Variants in COL8A1 observed in about 807,000 individuals in gnomAD.
COL8A1 encodes collagen alpha-1(VIII) chain.
In COL8A1, 21 loss-of-function variants were observed where a neutral mutation model predicts 42.7. That is an observed-to-expected ratio of 0.49 (90% CI 0.35 to 0.71). The LOEUF (loss-of-function observed/expected upper bound fraction) is 0.71. Ranked by LOEUF, COL8A1 falls within the 30% of genes least tolerant of loss-of-function variation. The probability of loss-of-function intolerance (pLI) is 0.01; values close to 1 mark genes in which losing one functional copy is unlikely to be tolerated. For synonymous variants in COL8A1, 367 were observed against 369.1 expected, an observed-to-expected ratio of 0.99 and a Z score of 0.06; for missense variants, 788 against 962.4, an observed-to-expected ratio of 0.82 and a Z score of 2.40.
intron 1 of COL8A1, among the ~76,000 whole-genome samples, chr3:99,659,888 A>T (rs903581047): frequency 5.3e-5 from 8 of 152,212 alleles, no homozygotes; most frequent in Non-Finnish European, 1.0e-4. Context: ...TGCACCTTAA[A>T]TTCCCTATGA....
intron 2 of COL8A1, among the ~76,000 whole-genome samples, chr3:99,773,862 T>TTTTTTA (rs1941640164): frequency 3.1e-5 from 2 of 64,400 alleles, no homozygotes; most frequent in African/African-American, 5.2e-5. Flanking sequence ...TTTTTTTTTT[T>TTTTTTA]GAGACCGAGT....
intron 2 of COL8A1, among the ~76,000 whole-genome samples, chr3:99,778,526 G>T (rs1219809359): frequency 6.6e-6 from 1 of 151,938 alleles, no homozygotes; most frequent in Non-Finnish European, 1.5e-5. Flanking sequence ...AATCTTACAA[G>T]TATCCTGAAA....
chr3:99,752,234 T>A (rs1386898022), intron 2 of COL8A1, among the ~76,000 whole-genome samples: 12 of 152,288 alleles, frequency 7.9e-5, no homozygotes, highest in Non-Finnish European at 4.4e-5. Context: ...ATGTTCATTG[T>A]CATCTGTAAA....
At chr3:99,692,732 G>A (rs949941528) in intron 1 of COL8A1, among the ~76,000 whole-genome samples, 1 of 152,228 alleles carries the variant, frequency 6.6e-6, no homozygotes, top group African/African-American at 2.4e-5. Flanking sequence ...CAGTAGTTCC[G>A]TAAGATCACC....
At chr3:99,682,292 C>T (rs1212739339) in intron 1 of COL8A1, among the ~76,000 whole-genome samples, 2 of 152,066 alleles carry the variant, frequency 1.3e-5, no homozygotes, top group African/African-American at 2.4e-5. Context: ...CGGTGCACGC[C>T]TGTAATCCCA....
At chr3:99,773,837 A>ATATATATATATATTT (rs1200212756) in intron 2 of COL8A1, among the ~76,000 whole-genome samples, 1 of 45,400 alleles carries the variant, frequency 2.2e-5, no homozygotes, top group African/African-American at 1.3e-4. Context: ...ATATATATAT[A>ATATATATATATATTT]TTTTTTTTTT....
intron 1 of COL8A1, among the ~76,000 whole-genome samples, chr3:99,689,703 G>A (rs758313475): frequency 1.2e-4 from 19 of 152,148 alleles, no homozygotes; most frequent in Admixed American, 2.0e-4. Flanking sequence ...TCATCCATGT[G>A]CCATTTAAAA....
At chr3:99,734,788 A>T (rs1940650085) in intron 1 of COL8A1, among the ~76,000 whole-genome samples, 1 of 151,978 alleles carries the variant, frequency 6.6e-6, no homozygotes. Context: ...ATGAGCATGG[A>T]ATGTTCTTCC....
At chr3:99,712,090 T>TTG (rs1243961020) in intron 1 of COL8A1, among the ~76,000 whole-genome samples, 1 of 152,154 alleles carries the variant, frequency 6.6e-6, no homozygotes, top group Non-Finnish European at 1.5e-5. Flanking sequence ...AATAAAGTCA[T>TTG]ACTTTGAAAT....
chr3:99,704,946 C>A (rs905696372), intron 1 of COL8A1, among the ~76,000 whole-genome samples: 1 of 152,058 alleles, frequency 6.6e-6, no homozygotes, highest in Admixed American at 6.5e-5. Context: ...TCCCTGCAGG[C>A]AGTGTAGGGC....
intron 1 of COL8A1, among the ~76,000 whole-genome samples, chr3:99,672,420 A>G (rs914349968): frequency 2.6e-5 from 4 of 151,862 alleles, no homozygotes; most frequent in African/African-American, 9.7e-5. Context: ...ATTGGATTAC[A>G]TTCTGAGTGC....
At chr3:99,696,005 G>T (rs1413530434) in intron 1 of COL8A1, among the ~76,000 whole-genome samples, 2 of 152,144 alleles carry the variant, frequency 1.3e-5, no homozygotes, top group Non-Finnish European at 2.9e-5. Context: ...ATGGTGGCAG[G>T]TGCCTGTAAT....
At chr3:99,700,844 T>C (rs1457008169) in intron 1 of COL8A1, among the ~76,000 whole-genome samples, 4 of 152,216 alleles carry the variant, frequency 2.6e-5, no homozygotes, top group Non-Finnish European at 4.4e-5. Context: ...CCTGGCCATG[T>C]GTATGCTGGA....
rs528818664 is a variant in COL8A1, at chr3:99,650,732, C to T, written c.-129+12068C>T. On this transcript the variant is annotated intron_variant, in intron 1 of 3. Coordinates refer to ENST00000652472, the MANE Select transcript of COL8A1 (RefSeq NM_020351.4). ...TACTAAGCACTTTAAATGTGGCTAA[C>T]ACAAATGAGGTACTGGATTTTTTAC... is the stretch of plus-strand genomic sequence containing the variant. Among the ~76,000 whole-genome samples the T allele has an allele frequency of 4.6e-5, 7 of 152,304 alleles. No homozygotes were observed. The South Asian group carries it at 1.0e-3, about 23-fold the overall frequency.
intron 1 of COL8A1, among the ~76,000 whole-genome samples, chr3:99,640,007 CTTAGG>C (rs1338618627): frequency 1.3e-5 from 2 of 152,148 alleles, no homozygotes; most frequent in East Asian, 3.8e-4. Flanking sequence ...AGAAATTTAA[CTTAGG>C]TCTTCCAAAC....
intron 1 of COL8A1, among the ~76,000 whole-genome samples, chr3:99,681,843 A>G (rs973520869): frequency 6.6e-6 from 1 of 152,196 alleles, no homozygotes; most frequent in Non-Finnish European, 1.5e-5. Flanking sequence ...TTCATTCACA[A>G]CAGCCCTGTA....
intron 1 of COL8A1, among the ~76,000 whole-genome samples, chr3:99,662,100 C>G (rs755053774): frequency 1.3e-5 from 2 of 152,088 alleles, no homozygotes; most frequent in African/African-American, 2.4e-5. Flanking sequence ...TAATATGGGC[C>G]GAGCACGGTG....
intron 2 of COL8A1, among the ~76,000 whole-genome samples, chr3:99,782,346 GACAT>G: frequency 6.6e-6 from 1 of 152,104 alleles, no homozygotes; most frequent in East Asian, 1.9e-4. Context: ...CTAACTTTCT[GACAT>G]ACAAAGGCTT....
intron 1 of COL8A1, among the ~76,000 whole-genome samples, chr3:99,664,204 C>G (rs964123453): frequency 7.9e-5 from 12 of 152,324 alleles, no homozygotes; most frequent in Admixed American, 6.5e-4. Flanking sequence ...TGGAAGCTCT[C>G]AAGAGCAGGG....
Sources: allele counts gnomAD v4.1 joint callset (sites outside exome capture counted in the v4.1 genomes callset), GRCh38; gene constraint gnomAD v4.1.1; transcripts MANE v1.5; gene names NCBI Gene and HGNC (gene_info 2026-07-23, HGNC 2026-07-21).